GABRR3: variants seen among roughly 807,000 people sequenced by gnomAD.
GABRR3 encodes gamma-aminobutyric acid receptor subunit rho-3.
Under a neutral mutation model 43.2 loss-of-function variants are expected in GABRR3, and 29 were observed. That is an observed-to-expected ratio of 0.67 (90% CI 0.50 to 0.92). The LOEUF is 0.92. Among genes scored for constraint, GABRR3 ranks in the 40% least tolerant of loss-of-function variants. The pLI, the probability that GABRR3 is intolerant of heterozygous loss-of-function variation, is 0.00. For synonymous variants in GABRR3, 206 were observed against 195.9 expected (o/e 1.05, Z -0.43); for missense variants, 576 against 572.3 (o/e 1.01, Z -0.07).
intron 5 of GABRR3, among the ~76,000 whole-genome samples, chr3:98,012,104 A>G (rs1706800611): frequency 6.6e-6 from 1 of 152,224 alleles, no homozygotes; most frequent in African/African-American, 2.4e-5. Flanking sequence ...TCCATAATTC[A>G]GCTCATTCTA....
At chr3:97,992,055 TCTTG>T (rs769002975) in intron 9 of GABRR3, among the ~76,000 whole-genome samples, 6 of 152,160 alleles carry the variant, frequency 3.9e-5, no homozygotes, top group Non-Finnish European at 5.9e-5. Context: ...TTATATAAGT[TCTTG>T]TAAAAGCAGG....
At chr3:97,987,188 A>G (rs1706399049) in intron 9 of GABRR3, among the ~76,000 whole-genome samples, 1 of 152,204 alleles carries the variant, frequency 6.6e-6, no homozygotes, top group Non-Finnish European at 1.5e-5. Context: ...AACTAAAACC[A>G]TGTCATCGGT....
intron 2 of GABRR3, among the ~76,000 whole-genome samples, chr3:98,026,756 C>T (rs530800592): frequency 6.6e-4 from 101 of 152,250 alleles, no homozygotes; most frequent in African/African-American, 2.4e-3. Flanking sequence ...TATTAATTCA[C>T]ATCGGAAACC....
intron 3 of GABRR3, among the ~76,000 whole-genome samples, chr3:98,020,522 A>T (rs1202162937): frequency 6.7e-6 from 1 of 148,406 alleles, no homozygotes; most frequent in Non-Finnish European, 1.5e-5. Context: ...TTATTTTTTT[A>T]AATCAGAGAG....
At chr3:97,988,818 G>A (rs866957302) in intron 9 of GABRR3, among the ~76,000 whole-genome samples, 4 of 151,052 alleles carry the variant, frequency 2.6e-5, no homozygotes, top group South Asian at 2.1e-4. Context: ...GGTGGGTGGC[G>A]GTAAGTGGTG....
intron 4 of GABRR3, among the ~76,000 whole-genome samples, chr3:98,012,980 A>G (rs1274453755): frequency 1.3e-5 from 2 of 152,202 alleles, no homozygotes; most frequent in Non-Finnish European, 2.9e-5. Context: ...TTTTGTATTG[A>G]TACTCATGTT....
At chr3:97,985,336 A>G (rs1034857253), downstream of GABRR3, among the ~76,000 whole-genome samples, 6 of 152,354 alleles carry the variant, frequency 3.9e-5, no homozygotes, top group South Asian at 1.2e-3. Context: ...TGGTTCGACC[A>G]AAGATATTAA....
At chr3:98,027,854 A>G (rs1483676342) in intron 2 of GABRR3, among the ~76,000 whole-genome samples, 1 of 152,172 alleles carries the variant, frequency 6.6e-6, no homozygotes, top group Non-Finnish European at 1.5e-5. Context: ...TGTTCCTTTA[A>G]GTGTATCCAG....
intron 3 of GABRR3, among the ~76,000 whole-genome samples, chr3:98,019,993 G>A (rs1706918967): frequency 6.6e-6 from 1 of 152,000 alleles, no homozygotes; most frequent in Admixed American, 6.6e-5. Flanking sequence ...CTTTTTTCTT[G>A]GAATTAGTAG....
intron 2 of GABRR3, among the ~76,000 whole-genome samples, chr3:98,034,016 C>A (rs750079088): frequency 2.6e-5 from 4 of 152,150 alleles, no homozygotes; most frequent in Non-Finnish European, 5.9e-5. Context: ...TGAGAGCAAT[C>A]TAGCTTAAAC....
Position 98,017,641 on chromosome 3 carries a change from A to C in GABRR3, c.306+14T>G. 6.3e-7 allele frequency: 1 copy of C among 1,596,242 alleles called. No individual in the cohort carries two copies. The highest frequency in any genetic ancestry group is 8.6e-7 in the Non-Finnish European group (1 of 1,167,486). Reference sequence around the variant, plus strand: ...CTTTTCAGAAAAAGAGCAATATCCCATGAAGAAACTTACCATGTTAGTCTC... The same window carrying C: ...CTTTTCAGAAAAAGAGCAATATCCCCTGAAGAAACTTACCATGTTAGTCTC... On this transcript the variant is annotated intron_variant, in intron 4 of 9. Coordinates refer to ENST00000621172, the Ensembl canonical transcript of GABRR3.
chr3:97,995,363 C>T (rs1405801021), intron 8 of GABRR3, among the ~76,000 whole-genome samples: 1 of 151,742 alleles, frequency 6.6e-6, no homozygotes, highest in Non-Finnish European at 1.5e-5. Flanking sequence ...TAATATGGAG[C>T]TTAGCGGACA....
intron 2 of GABRR3, 47 bp downstream of exon 2, chr3:98,034,816 A>G (rs1446033999): frequency 6.2e-7 from 1 of 1,605,962 alleles, no homozygotes; most frequent in East Asian, 2.2e-5. Context: ...ACAACTGTTG[A>G]GAGAAACTGG....
chr3:97,994,210 T>C (rs1706506708), intron 8 of GABRR3, among the ~76,000 whole-genome samples: 1 of 152,262 alleles, frequency 6.6e-6, no homozygotes, highest in Non-Finnish European at 1.5e-5. Flanking sequence ...GCATGTGGAC[T>C]GCTTTCACCA....
intron 2 of GABRR3, among the ~76,000 whole-genome samples, chr3:98,029,727 G>A (rs1283256177): frequency 6.6e-6 from 1 of 152,056 alleles, no homozygotes. Flanking sequence ...AATTGAGGGG[G>A]TCAAGAGTGT....
intron 9 of GABRR3, among the ~76,000 whole-genome samples, chr3:97,992,493 T>C (rs1706484059): frequency 6.6e-6 from 1 of 152,174 alleles, no homozygotes; most frequent in Non-Finnish European, 1.5e-5. Flanking sequence ...ATGATGCCAA[T>C]ATATAATAAC....
chr3:97,991,284 C>T (rs969132882), intron 9 of GABRR3, among the ~76,000 whole-genome samples: 11 of 152,198 alleles, frequency 7.2e-5, no homozygotes, highest in Non-Finnish European at 1.3e-4. Context: ...CAAATCATTG[C>T]TATTCAGTAT....
intron 7 of GABRR3, among the ~76,000 whole-genome samples, chr3:98,003,746 T>C (rs1223555593): frequency 6.6e-6 from 1 of 152,152 alleles, no homozygotes; most frequent in Non-Finnish European, 1.5e-5. Context: ...ACCATGCATC[T>C]TGTCCTACGA....
intron 7 of GABRR3, among the ~76,000 whole-genome samples, chr3:98,004,268 T>C (rs914456992): frequency 6.6e-6 from 1 of 152,200 alleles, no homozygotes; most frequent in African/African-American, 2.4e-5. Flanking sequence ...CTCTATTATA[T>C]GGCAGATAAC....
Sources: gnomAD v4.1 joint callset for allele counts (sites outside exome capture counted in the v4.1 genomes callset) on GRCh38, gnomAD v4.1.1 for gene constraint, MANE v1.5 for transcripts, NCBI Gene and HGNC (gene_info 2026-07-23, HGNC 2026-07-21) for gene names.